DOK6: variants seen among roughly 807,000 people sequenced by gnomAD.
DOK6 encodes the protein downstream of tyrosine kinase 6.
DOK6 carries 22 observed loss-of-function variants against 44.0 expected under a neutral mutation model. That is an observed-to-expected ratio of 0.50 (90% CI 0.36 to 0.71). The LOEUF is 0.71. Ranked by LOEUF, DOK6 falls within the 30% of genes least tolerant of loss-of-function variation. The pLI is 0.00. For synonymous variants in DOK6, 166 were observed against 145.5 expected (o/e 1.14, Z -1.01); for missense variants, 340 against 416.4 (o/e 0.82, Z 1.60).
chr18:69,478,610 T>C (rs1335103419), intron 1 of DOK6, among the ~76,000 whole-genome samples: 3 of 152,220 alleles, frequency 2.0e-5, no homozygotes, highest in Admixed American at 1.3e-4. Flanking sequence ...AGTGTTGTTT[T>C]CTGATTCTGA....
intron 1 of DOK6, among the ~76,000 whole-genome samples, chr18:69,428,533 T>C (rs1260747391): frequency 2.6e-5 from 4 of 152,050 alleles, no homozygotes; most frequent in African/African-American, 7.2e-5. Context: ...TGGGCCCCAA[T>C]AAGGATTAAT....
intron 2 of DOK6, among the ~76,000 whole-genome samples, chr18:69,569,118 G>C (rs1342208134): frequency 6.6e-6 from 1 of 151,998 alleles, no homozygotes; most frequent in East Asian, 1.9e-4. Context: ...AACAGGTTGG[G>C]AACTGCTGAC....
chr18:69,545,082 T>C (rs1377919241), intron 1 of DOK6, among the ~76,000 whole-genome samples: 1 of 147,716 alleles, frequency 6.8e-6, no homozygotes, highest in Non-Finnish European at 1.5e-5. Context: ...ATTGCGCCAC[T>C]GCACTCCAGC....
intron 7 of DOK6, among the ~76,000 whole-genome samples, chr18:69,824,369 G>A (rs1246256361): frequency 6.6e-6 from 1 of 151,748 alleles, no homozygotes; most frequent in Non-Finnish European, 1.5e-5. Context: ...TTTGAGACAG[G>A]GTCTCACTCT....
At chr18:69,550,827 AGTCTGGAGTGCAGAGGCACGATCTTG>A (rs1982548166) in intron 1 of DOK6, among the ~76,000 whole-genome samples, 1 of 132,878 alleles carries the variant, frequency 7.5e-6, no homozygotes, top group African/African-American at 2.9e-5. Flanking sequence ...TCCCTCACCC[AGTCTGGAGTGCAGAGGCACGATCTTG>A]GCTCACTGAA....
intron 1 of DOK6, among the ~76,000 whole-genome samples, chr18:69,531,868 C>T (rs1981994472): frequency 6.6e-6 from 1 of 152,056 alleles, no homozygotes; most frequent in African/African-American, 2.4e-5. Context: ...TGAGTGTATT[C>T]CCCACCGCCA....
chr18:69,752,040 A>T (rs1241885972), intron 6 of DOK6, among the ~76,000 whole-genome samples: 2 of 132,258 alleles, frequency 1.5e-5, no homozygotes, highest in Admixed American at 7.9e-5. Context: ...TTGAGAAGGT[A>T]AAAAAAATAG....
intron 1 of DOK6, among the ~76,000 whole-genome samples, chr18:69,487,901 G>A (rs980665976): frequency 6.6e-6 from 1 of 152,166 alleles, no homozygotes; most frequent in Admixed American, 6.5e-5. Flanking sequence ...GCACAGTCTA[G>A]GTTCTCTGAG....
intron 7 of DOK6, among the ~76,000 whole-genome samples, chr18:69,829,895 G>T (rs973112031): frequency 6.6e-6 from 1 of 151,944 alleles, no homozygotes; most frequent in East Asian, 1.9e-4. Context: ...TTTTATATCC[G>T]TTAGGTGGGA....
In DOK6 at chr18:69,632,872, G is replaced by A. The variant is rs899762991; in HGVS notation, c.289+33374G>A. Among the ~76,000 whole-genome samples, 7 of 152,298 alleles carry A rather than the reference G, an allele frequency of 4.6e-5. No individual in the cohort carries two copies. In the South Asian group the frequency reaches 1.4e-3, roughly 32 times the overall value. On this transcript the variant is annotated intron_variant, in intron 3 of 7. Coordinates refer to ENST00000382713, the MANE Select transcript of DOK6 (RefSeq NM_152721.6). ...AGTAATCTAATATTTTCTTTCTGAT[G>A]GCACTTTGTGTTGCCATCACTTGTA...
In DOK6 at chr18:69,406,890, G is replaced by A. The variant is rs536078200; in HGVS notation, c.66+5580G>A. Among the ~76,000 whole-genome samples the A allele has an allele frequency of 5.3e-5, 8 of 152,270 alleles. No homozygotes were observed. The East Asian group carries it at 1.5e-3, about 29-fold the overall frequency. Reference sequence around the variant, plus strand: ...GAGGTCAGGAGTTTGAGAGCAGCCTGGCCAACATTGTGAAACCTCGTCTCT... The same window carrying A: ...GAGGTCAGGAGTTTGAGAGCAGCCTAGCCAACATTGTGAAACCTCGTCTCT... On this transcript the variant is annotated intron_variant, in intron 1 of 7. Coordinates refer to ENST00000382713, the MANE Select transcript of DOK6 (RefSeq NM_152721.6).
At chr18:69,710,464 A>G (rs1986731530) in intron 5 of DOK6, among the ~76,000 whole-genome samples, 1 of 152,212 alleles carries the variant, frequency 6.6e-6, no homozygotes, top group South Asian at 2.1e-4. Context: ...GCAAAAACAC[A>G]TGTTCTTCTC....
At chr18:69,721,333 A>C (rs1366214031) in intron 5 of DOK6, 1 of 152,228 alleles carries the variant, frequency 6.6e-6, no homozygotes, top group Non-Finnish European at 1.5e-5. Context: ...AAGAGCGAGA[A>C]TTTTATTCTG....
In DOK6 at chr18:69,716,770, C is replaced by T. The variant is rs1262987541; in HGVS notation, c.599+18177C>T. On this transcript the variant is annotated intron_variant, in intron 5 of 7. Coordinates refer to ENST00000382713, the MANE Select transcript of DOK6 (RefSeq NM_152721.6). ...TTTTTAAAAAAATTGTTCTTGCGCC[C>T]TAAAGTGGTGTTTCAAATTCTGCTC... is the stretch of plus-strand genomic sequence containing the variant. 2.6e-5 allele frequency among the ~76,000 whole-genome samples: 4 copies of T among 151,290 alleles called. No homozygotes were observed. The East Asian group carries it at 7.8e-4, about 29-fold the overall frequency.
intron 7 of DOK6, among the ~76,000 whole-genome samples, chr18:69,759,706 G>A (rs993661010): frequency 2.0e-5 from 3 of 152,174 alleles, no homozygotes; most frequent in Admixed American, 6.6e-5. Flanking sequence ...GAAGGAAGAT[G>A]TTGATTTATA....
intron 6 of DOK6, among the ~76,000 whole-genome samples, chr18:69,740,782 A>G (rs551829963): frequency 3.3e-5 from 5 of 152,370 alleles, no homozygotes; most frequent in South Asian, 2.1e-4. Context: ...GACCAAGCAC[A>G]TAGAAGTACC....
chr18:69,688,597 A>G (rs1986201008), intron 4 of DOK6, among the ~76,000 whole-genome samples: 1 of 152,158 alleles, frequency 6.6e-6, no homozygotes, highest in African/African-American at 2.4e-5. Context: ...ATCTCGGCTC[A>G]CTGCAACCTC....
chr18:69,698,384 C>T lies in DOK6; in HGVS notation c.410-20C>T. On this transcript the variant is annotated intron_variant, in intron 4 of 7. Transcript: ENST00000382713. ...ACACCTCTTTTCACTTAACCTTCTC[C>T]ATTCTTCGTCTCTTCACAGAGAGAT... is the stretch of plus-strand genomic sequence containing the variant. 6.3e-7 allele frequency: 1 copy of T among 1,589,086 alleles called. No individual in the cohort carries two copies. The highest frequency in any genetic ancestry group is 8.6e-7 in the Non-Finnish European group (1 of 1,167,050).
chr18:69,464,661 C>T lies in DOK6; in HGVS notation c.66+63351C>T, dbSNP rs988495372. Among the ~76,000 whole-genome samples, 6 of 152,132 alleles carry T rather than the reference C, an allele frequency of 3.9e-5. No individual in the cohort carries two copies. The East Asian group carries it at 5.8e-4, about 15-fold the overall frequency. On this transcript the variant is annotated intron_variant, in intron 1 of 7. Coordinates refer to ENST00000382713, the MANE Select transcript of DOK6 (RefSeq NM_152721.6). ...ATAAAGTTCTGTAGCTAAAACACTGCGGATATTTCTTATTTTTCAATAAAA... is the reference window on the plus strand; with the variant it reads ...ATAAAGTTCTGTAGCTAAAACACTGTGGATATTTCTTATTTTTCAATAAAA...
Sources: gnomAD v4.1 joint callset for allele counts (sites outside exome capture counted in the v4.1 genomes callset) on GRCh38, gnomAD v4.1.1 for gene constraint, MANE v1.5 for transcripts, NCBI Gene and HGNC (gene_info 2026-07-23, HGNC 2026-07-21) for gene names.